Variants in ZER1 observed in about 807,000 individuals in gnomAD.
ZER1 encodes the protein zyg-11 related cell cycle regulator.
In ZER1, 11 loss-of-function variants were observed where a neutral mutation model predicts 78.8. The observed-to-expected ratio is 0.14, with a 90% confidence interval of 0.09 to 0.23. The LOEUF is 0.23. Ranked by LOEUF, ZER1 falls within the 10% of genes least tolerant of loss-of-function variation. The probability of loss-of-function intolerance (pLI) is 1.00; values close to 1 mark genes in which losing one functional copy is unlikely to be tolerated. For synonymous variants in ZER1, 400 were observed against 407.0 expected, an observed-to-expected ratio of 0.98 and a Z score of 0.21; for missense variants, 588 against 996.9, an observed-to-expected ratio of 0.59 and a Z score of 5.52.
Position 128,754,011 on chromosome 9 carries a change from T to C in ZER1, c.159-52A>G. The C allele has an allele frequency of 6.5e-7, 1 of 1,546,054 alleles. No individual in the cohort carries two copies. The highest frequency in any genetic ancestry group is 1.2e-5 in the South Asian group (1 of 83,434). ...GAGAGGGCCACAGGGACTCTCATCC[T>C]CGCTTCAAAGCCAAGCCCTCCTCCC... On this transcript the variant is annotated intron_variant, in intron 2 of 15. Transcript: ENST00000291900. The surrounding 1 kb of genome is among the most constrained non-coding windows in gnomAD (Gnocchi z 4.3).
At position 128,754,886 on chromosome 9, in the gene ZER1, CCCCTAGGAGTGGGGAGG is replaced by C. The variant is rs1281573719; in HGVS notation, c.158+505_158+521del. Among the ~76,000 whole-genome samples, 1 of 152,108 alleles carries C rather than the reference CCCCTAGGAGTGGGGAGG, an allele frequency of 6.6e-6. No homozygotes were observed. The highest frequency in any genetic ancestry group is 1.5e-5 in the Non-Finnish European group (1 of 68,028). On this transcript the variant is annotated intron_variant, in intron 2 of 15. Transcript: ENST00000291900. The surrounding 1 kb of genome is among the most constrained non-coding windows in gnomAD (Gnocchi z 4.3). ...TGACTGCATAGCATGCTTCTAGGAGCCCCTAGGAGTGGGGAGGCCCTCGGAGGGCCATTCAGATTTTC... is the reference window on the plus strand; with the variant it reads ...TGACTGCATAGCATGCTTCTAGGAGCCCCTCGGAGGGCCATTCAGATTTTC...
intron 8 of ZER1, among the ~76,000 whole-genome samples, chr9:128,747,885 C>T (rs1863548205): frequency 1.3e-5 from 2 of 152,190 alleles, no homozygotes; most frequent in South Asian, 4.1e-4. Flanking sequence ...CTCCAAAGTG[C>T]TGAGATTACA....
chr9:128,744,898 T>C (rs1163219668), intron 8 of ZER1, among the ~76,000 whole-genome samples: 1 of 152,212 alleles, frequency 6.6e-6, no homozygotes, highest in African/African-American at 2.4e-5. Context: ...CCCAATTTTT[T>C]CATCCATTCT....
chr9:128,750,792 G>A lies in ZER1; in HGVS notation c.1186-3C>T. 6.2e-7 allele frequency: 1 copy of A among 1,614,180 alleles called. No homozygotes were observed. Among genetic ancestry groups the A allele is most frequent in the Non-Finnish European group, 8.5e-7 (1 of 1,180,012 alleles). On this transcript the variant is annotated splice_region_variant and splice_polypyrimidine_tract_variant and intron_variant, in intron 7 of 15. Coordinates refer to ENST00000291900, the MANE Select transcript of ZER1 (RefSeq NM_006336.4). ...CACTTGAGGGCCGTGATGACCAGCT[G>A]TATGAAGACAAGGGGGACCTGGGCT...
intron 1 of ZER1, among the ~76,000 whole-genome samples, chr9:128,768,817 C>T (rs778402492): frequency 2.1e-4 from 32 of 152,186 alleles, no homozygotes; most frequent in African/African-American, 5.1e-4. Context: ...AGATCAGCCA[C>T]GCACACTCCA....
At chr9:128,739,060 C>A (rs1863195463) in intron 13 of ZER1, among the ~76,000 whole-genome samples, 1 of 151,672 alleles carries the variant, frequency 6.6e-6, no homozygotes, top group Non-Finnish European at 1.5e-5. Context: ...CCATGTTGGG[C>A]AGGCTGGTCT....
In ZER1 at chr9:128,761,899, C is replaced by T. The variant is rs564134177; in HGVS notation, c.-94-6240G>A. On this transcript the variant is annotated intron_variant, in intron 1 of 15. Transcript: ENST00000291900. ...GATTACAGGCGTGAGCCACCGCGCC[C>T]GGCTGACCCCATCTTATAGAGGAGG... Among the ~76,000 whole-genome samples the T allele has an allele frequency of 1.1e-4, 16 of 152,208 alleles. No individual in the cohort carries two copies. In the East Asian group the frequency reaches 1.2e-3, roughly 11 times the overall value.
At chr9:128,762,608 T>G (rs932927257) in intron 1 of ZER1, among the ~76,000 whole-genome samples, 2 of 152,240 alleles carry the variant, frequency 1.3e-5, no homozygotes, top group African/African-American at 4.8e-5. Context: ...GAACGGTGTC[T>G]GGCATGTAGT....
At chr9:128,761,418 C>A (rs1224974645) in intron 1 of ZER1, among the ~76,000 whole-genome samples, 1 of 151,606 alleles carries the variant, frequency 6.6e-6, no homozygotes, top group Non-Finnish European at 1.5e-5. Context: ...TCCTGAGTAC[C>A]TGGGACTACA....
rs1370034779 is a variant in ZER1 at position 128,740,831 on chromosome 9, C to G, written c.1794G>C (p.Val598=). ...GAGGCCTCAGCTCCTTCACTTCTGC[C>G]ACATTCCCCAAAAGTCCTAGCATAT... ...HRNMLGLLGN[V]AEVKELRPQL... Residue 598 remains valine (V), a synonymous_variant, in exon 12 of 16, where the codon GTG becomes GTC. Transcript: ENST00000291900. This position sits in a 1 kb window ranked among gnomAD's most constrained non-coding sequence, Gnocchi z 4.4. 1 of 780,958 alleles carries G rather than the reference C, an allele frequency of 1.3e-6. No individual in the cohort carries two copies. Among genetic ancestry groups the G allele is most frequent in the Non-Finnish European group, 2.4e-6 (1 of 418,140 alleles). 48.4% of individuals were successfully genotyped at this position (780,958 alleles called of 1,614,324 possible).
intron 5 of ZER1, among the ~76,000 whole-genome samples, chr9:128,752,204 C>T (rs910535133): frequency 2.0e-5 from 3 of 152,180 alleles, no homozygotes; most frequent in Non-Finnish European, 4.4e-5. Flanking sequence ...CTACCATAGC[C>T]CTTGTAATGA....
intron 1 of ZER1, among the ~76,000 whole-genome samples, chr9:128,756,112 G>A (rs1028622006): frequency 3.2e-4 from 49 of 152,196 alleles, no homozygotes; most frequent in African/African-American, 1.1e-3. Flanking sequence ...GATTAAAAAT[G>A]AAGGCTCCTT....
rs1017641168 is a variant in ZER1, at chr9:128,732,221, A to G, written c.2244-827T>C. Among the ~76,000 whole-genome samples the G allele has an allele frequency of 1.3e-5, 2 of 152,212 alleles. No individual in the cohort carries two copies. The highest frequency in any genetic ancestry group is 1.3e-4 in the Admixed American group (2 of 15,280). On this transcript the variant is annotated intron_variant, in intron 15 of 15. Transcript: ENST00000291900. This position sits in a 1 kb window ranked among gnomAD's most constrained non-coding sequence, Gnocchi z 4.8. ...ATCACAGGCCTTGGAGAAATGTTCA[A>G]AGTGACTGTGGTAGGTAACTGGTCA...
intron 8 of ZER1, 51 bp downstream of exon 8, chr9:128,750,565 A>C (rs750411169): frequency 1.3e-6 from 2 of 1,596,832 alleles, no homozygotes; most frequent in Non-Finnish European, 1.7e-6. Context: ...AAGAAGCAGG[A>C]AAGGGGTGGC....
rs1192663646 is a variant in ZER1 at position 128,752,839 on chromosome 9, T to C, written c.757A>G (p.Ile253Val). Residue 253 changes from isoleucine to valine, a missense_variant, in exon 5 of 16, where the codon ATC (isoleucine) becomes GTC (valine). By Grantham distance (29) the Ile-to-Val change is conservative. This residue lies in a region of ZER1 where 406 missense variants were observed against 660.1 expected (regional missense o/e 0.62). Coordinates refer to ENST00000291900, the MANE Select transcript of ZER1 (RefSeq NM_006336.4). ...TAGCTGGAGAGGCGGTCTCGGGAGA[T>C]GTCCAGGTGTCTGAAGATTGGGGTA... ...VQLHKLRHLD[I>V]SRDRLSSYYK... 6.2e-7 allele frequency: 1 copy of C among 1,613,554 alleles called. No homozygotes were observed. The highest frequency in any genetic ancestry group is 1.7e-5 in the Admixed American group (1 of 59,962).
chr9:128,770,392 A>T (rs373253030), intron 1 of ZER1, among the ~76,000 whole-genome samples: 1 of 152,210 alleles, frequency 6.6e-6, no homozygotes, highest in Middle Eastern at 3.4e-3. Context: ...AGCCTCCCAA[A>T]GTGCTGGGAT....
At chr9:128,747,936 T>C (rs1004515558) in intron 8 of ZER1, among the ~76,000 whole-genome samples, 3 of 152,150 alleles carry the variant, frequency 2.0e-5, no homozygotes, top group African/African-American at 7.2e-5. Context: ...TAGATATCTT[T>C]TGTAATCAGA....
intron 1 of ZER1, among the ~76,000 whole-genome samples, chr9:128,766,382 T>A (rs1352624677): frequency 6.6e-6 from 1 of 150,910 alleles, no homozygotes; most frequent in Non-Finnish European, 1.5e-5. Flanking sequence ...CTGTTAAGTA[T>A]TTTATATGTG....
At chr9:128,742,275 T>TATGAAAGC (rs1863327849) in intron 9 of ZER1, among the ~76,000 whole-genome samples, 1 of 152,204 alleles carries the variant, frequency 6.6e-6, no homozygotes, top group South Asian at 2.1e-4. Context: ...CTACAGAGCT[T>TATGAAAGC]ATGAAAGCAG....
Sources: allele counts gnomAD v4.1 joint callset (sites outside exome capture counted in the v4.1 genomes callset), GRCh38; gene constraint gnomAD v4.1.1; regional missense constraint gnomAD v4.1.1; non-coding constraint Gnocchi (gnomAD v3.1); transcripts MANE v1.5; gene names NCBI Gene and HGNC (gene_info 2026-07-23, HGNC 2026-07-21).